The following CHUK variants were observed in gnomAD, a reference collection of about 807,000 sequenced individuals.
CHUK encodes inhibitor of nuclear factor kappa-B kinase subunit alpha.
A neutral mutation model predicts 104.8 loss-of-function variants in CHUK; 35 were observed. The observed-to-expected ratio is 0.33, with a 90% CI of 0.26 to 0.44. The LOEUF (loss-of-function observed/expected upper bound fraction) is 0.44, where lower values mean the gene tolerates loss of function less well. Ranked by LOEUF, CHUK falls within the 20% of genes least tolerant of loss-of-function variation. The pLI is 1.00. For synonymous variants in CHUK, 276 were observed against 291.9 expected (o/e 0.95, Z 0.56); for missense variants, 663 against 902.7 (o/e 0.73, Z 3.40).
At position 100,219,236 on chromosome 10, in the gene CHUK, A is replaced by G. The variant is rs375562122; in HGVS notation, c.564+34T>C. On this transcript the variant is annotated intron_variant, in intron 6 of 20. Coordinates refer to ENST00000370397, the MANE Select transcript of CHUK (RefSeq NM_001278.5). ...CTTCAGAAATAAGAGAATCCTATACACACTTAAATTCAAAGAAACAAAACA... is the reference window on the plus strand; with the variant it reads ...CTTCAGAAATAAGAGAATCCTATACGCACTTAAATTCAAAGAAACAAAACA... 5 of 1,543,160 alleles carry G rather than the reference A, an allele frequency of 3.2e-6. No homozygotes were observed. In the Admixed American group the frequency reaches 5.0e-5, roughly 15 times the overall value.
At chr10:100,226,079 C>T in intron 1 of CHUK, 62 bp from the exon 2 acceptor site, 1 of 978,166 alleles carries the variant, frequency 1.0e-6, no homozygotes, top group Non-Finnish European at 1.7e-6. Flanking sequence ...TTATTTGCTA[C>T]CAAAGAAATA....
At chr10:100,213,891 C>G (rs1322488004) in intron 9 of CHUK, among the ~76,000 whole-genome samples, 1 of 152,130 alleles carries the variant, frequency 6.6e-6, no homozygotes, top group East Asian at 1.9e-4. Context: ...CATGTGAATT[C>G]CAAATGTCAT....
At chr10:100,197,189 C>T (rs1374809605) in intron 16 of CHUK, among the ~76,000 whole-genome samples, 2 of 152,186 alleles carry the variant, frequency 1.3e-5, no homozygotes, top group Non-Finnish European at 2.9e-5. Flanking sequence ...AACTGTAACA[C>T]AATGGTAAGT....
chr10:100,190,499 T>C, intron 20 of CHUK: 4 of 263,532 alleles, frequency 1.5e-5, no homozygotes, highest in South Asian at 1.4e-4. Context: ...CATAATTTAT[T>C]TTCTATTCGG....
At position 100,206,405 on chromosome 10, in the gene CHUK, G is replaced by A. The variant is rs1389783589; in HGVS notation, c.1231+825C>T. On this transcript the variant is annotated intron_variant, in intron 11 of 20. Coordinates refer to ENST00000370397, the MANE Select transcript of CHUK (RefSeq NM_001278.5). ...GTTAACAATAGGAAAAACTACATGC[G>A]TGAGTGAGGGGAGTTATATGAGAAC... is the stretch of plus-strand genomic sequence containing the variant. Among the ~76,000 whole-genome samples, 6 of 151,966 alleles carry A rather than the reference G, an allele frequency of 3.9e-5. No individual in the cohort carries two copies. The East Asian group carries it at 5.8e-4, about 15-fold the overall frequency.
Position 100,190,943 on chromosome 10 carries a change from C to T in CHUK, c.2134G>A (p.Glu712Lys), listed in dbSNP as rs761775487. The T allele has an allele frequency of 6.2e-7, 1 of 1,611,028 alleles. No homozygotes were observed. The highest frequency in any genetic ancestry group is 8.5e-7 in the Non-Finnish European group (1 of 1,177,170). The stretch of plus-strand genomic sequence containing the variant: ...AAATGGCCAAGGCAGTTCAAATTTT[C>T]TTCTATCATTTGTGCTGAAGTCTCC... ...DGETSAQMIE[E>K]NLNCLGHLST... The change falls in exon 20 of 21, where the codon GAA (glutamate) becomes AAA (lysine). Residue 712 changes from glutamate to lysine, a missense_variant. Around this residue, in one of 5 missense-constraint regions of CHUK, gnomAD observed 311 missense variants for 393.4 expected, o/e 0.79. Transcript: ENST00000370397.
chr10:100,223,412 G>C (rs890634604), intron 2 of CHUK, among the ~76,000 whole-genome samples: 2 of 152,132 alleles, frequency 1.3e-5, no homozygotes, highest in South Asian at 4.1e-4. Context: ...GCTGAGGTGG[G>C]AGGATTGCTT....
intron 12 of CHUK, among the ~76,000 whole-genome samples, 188 bp downstream of exon 12, chr10:100,204,888 C>A (rs1453196480): frequency 1.3e-5 from 2 of 152,162 alleles, no homozygotes; most frequent in Non-Finnish European, 2.9e-5. Context: ...TTATTACCCT[C>A]AAGCCATTAC....
Position 100,204,506 on chromosome 10 carries a change from A to G in CHUK, c.1507T>C (p.Ser503Pro). 5 of 1,612,990 alleles carry G rather than the reference A, an allele frequency of 3.1e-6. No individual in the cohort carries two copies. The highest frequency in any genetic ancestry group is 4.2e-6 in the Non-Finnish European group (5 of 1,179,126). The change falls in exon 13 of 21, where the codon TCT becomes CCT. Residue 503 changes from serine to proline, a missense_variant and splice_region_variant. Ser to Pro is a moderately conservative substitution (Grantham distance 74). Around this residue, in one of 5 missense-constraint regions of CHUK, gnomAD observed 311 missense variants for 393.4 expected, o/e 0.79. Coordinates refer to ENST00000370397, the MANE Select transcript of CHUK (RefSeq NM_001278.5). ...TCAAATACATTACACAGACACTTAC[A>G]TATCCCATACGTCATCTGCTCGCTG... ...RYSEQMTYGI[S>P]SEKMLKAWKE...
At chr10:100,209,182 T>C (rs1436135265) in intron 10 of CHUK, among the ~76,000 whole-genome samples, 1 of 152,338 alleles carries the variant, frequency 6.6e-6, no homozygotes, top group East Asian at 1.9e-4. Flanking sequence ...CACATAGACA[T>C]ATAGCTTAGA....
At chr10:100,224,918 C>T (rs1265759664) in intron 2 of CHUK, among the ~76,000 whole-genome samples, 1 of 152,024 alleles carries the variant, frequency 6.6e-6, no homozygotes, top group Non-Finnish European at 1.5e-5. Context: ...GGTATGATCT[C>T]AGCTCACTGT....
chr10:100,210,534 A>G (rs1845706602), intron 9 of CHUK, among the ~76,000 whole-genome samples: 1 of 152,242 alleles, frequency 6.6e-6, no homozygotes, highest in Admixed American at 6.5e-5. Flanking sequence ...CATTTTAAAC[A>G]GAGAAAGAAA....
chr10:100,213,298 T>A (rs1437928941), intron 9 of CHUK, among the ~76,000 whole-genome samples: 1 of 152,008 alleles, frequency 6.6e-6, no homozygotes, highest in Non-Finnish European at 1.5e-5. Context: ...CTGGCCAACA[T>A]GGCAAAACCC....
intron 9 of CHUK, 30 bp downstream of exon 9, chr10:100,217,965 G>T: frequency 6.2e-7 from 1 of 1,600,562 alleles, no homozygotes. Context: ...TTCAATGCTG[G>T]TCTTATGCAG....
At chr10:100,198,235 C>A (rs1264390019) in intron 16 of CHUK, among the ~76,000 whole-genome samples, 1 of 152,152 alleles carries the variant, frequency 6.6e-6, no homozygotes, top group African/African-American at 2.4e-5. Flanking sequence ...AGACAACTAG[C>A]AACGTAAACA....
intron 3 of CHUK, 35 bp downstream of exon 3, chr10:100,222,831 A>G: frequency 9.9e-7 from 1 of 1,006,322 alleles, no homozygotes. Context: ...AAAGTTTGTG[A>G]TTTACTCTCT....
chr10:100,196,566 A>G (rs1845335874), intron 16 of CHUK, among the ~76,000 whole-genome samples: 1 of 151,770 alleles, frequency 6.6e-6, no homozygotes, highest in African/African-American at 2.4e-5. Context: ...TAAAAATTTT[A>G]TTGATTTATT....
intron 5 of CHUK, 138 bp downstream of exon 5, chr10:100,220,450 A>G: frequency 1.5e-6 from 1 of 686,976 alleles, no homozygotes; most frequent in Non-Finnish European, 2.6e-6. Context: ...ACAAAACTAC[A>G]GTTCAGTGTG....
At chr10:100,220,499 A>G (rs1845961927) in intron 5 of CHUK, 89 bp downstream of exon 5, 2 of 905,758 alleles carry the variant, frequency 2.2e-6, no homozygotes, top group African/African-American at 1.6e-5. Flanking sequence ...TGTTATGGGC[A>G]TACAGCAAAG....
Sources: allele counts gnomAD v4.1 joint callset (sites outside exome capture counted in the v4.1 genomes callset), GRCh38; gene constraint gnomAD v4.1.1; regional missense constraint gnomAD v4.1.1; transcripts MANE v1.5; gene names NCBI Gene and HGNC (gene_info 2026-07-23, HGNC 2026-07-21).